Variants in COL6A6 observed in about 807,000 individuals in gnomAD.
The protein encoded by COL6A6 is collagen alpha-6(VI) chain.
A neutral mutation model predicts 208.6 loss-of-function variants in COL6A6; 183 were observed. The ratio of observed to expected loss-of-function variants is 0.88; its 90% CI spans 0.78 to 0.99. The LOEUF is 0.99. Ranked by LOEUF, COL6A6 falls within the 50% of genes least tolerant of loss-of-function variation. COL6A6 has a pLI of 0.00. For missense variants in COL6A6, 2,816 were observed against 2,815.2 expected (o/e 1.00, Z -0.01); for synonymous variants, 973 against 1,011.8 (o/e 0.96, Z 0.73).
chr3:130,538,833 G>A (rs2062286662), intron 1 of COL6A6, among the ~76,000 whole-genome samples: 1 of 152,160 alleles, frequency 6.6e-6, no homozygotes, highest in South Asian at 2.1e-4. Context: ...CCCCTGCTCA[G>A]AATTTCTCTC....
intron 23 of COL6A6, among the ~76,000 whole-genome samples, chr3:130,611,009 C>T (rs1057489047): frequency 5.3e-5 from 8 of 152,160 alleles, no homozygotes; most frequent in Admixed American, 3.3e-4. Flanking sequence ...ATCCCCATCC[C>T]ACCCCCAGAA....
In COL6A6 at chr3:130,592,692, T is replaced by C. The variant is rs2063749468; in HGVS notation, c.4345-4T>C. The C allele has an allele frequency of 2.5e-6, 4 of 1,613,100 alleles. No individual in the cohort carries two copies. In the East Asian group the frequency reaches 8.9e-5, roughly 36 times the overall value. ...ACTAACTATAACTGTCCTTTTATTT[T>C]CAGGGAAACAGAGGACTAAATGGAC... On this transcript the variant is annotated splice_polypyrimidine_tract_variant and splice_region_variant and intron_variant, in intron 14 of 36. Coordinates refer to ENST00000358511, the MANE Select transcript of COL6A6 (RefSeq NM_001102608.3).
intron 33 of COL6A6, 119 bp from the exon 34 acceptor site, chr3:130,658,557 C>A: frequency 1.5e-6 from 1 of 675,558 alleles, no homozygotes. Context: ...CTGTGCCTCC[C>A]CCGTACCTTC....
At chr3:130,543,340 G>A (rs1161917807) in intron 1 of COL6A6, among the ~76,000 whole-genome samples, 1 of 152,180 alleles carries the variant, frequency 6.6e-6, no homozygotes, top group Non-Finnish European at 1.5e-5. Context: ...ACATTCAAAT[G>A]ATTATTGATA....
intron 33 of COL6A6, among the ~76,000 whole-genome samples, chr3:130,651,113 G>A (rs2065630708): frequency 6.6e-6 from 1 of 152,230 alleles, no homozygotes; most frequent in Non-Finnish European, 1.5e-5. Flanking sequence ...ATTAGTGCCA[G>A]TACGTAGTGA....
chr3:130,641,153 G>A (rs903017332), intron 28 of COL6A6, among the ~76,000 whole-genome samples: 1 of 151,164 alleles, frequency 6.6e-6, no homozygotes, highest in Non-Finnish European at 1.5e-5. Flanking sequence ...CCTGGTGGGT[G>A]GGGGTCCTAT....
At chr3:130,672,824 C>G (rs1207829240) in intron 36 of COL6A6, among the ~76,000 whole-genome samples, 2 of 151,504 alleles carry the variant, frequency 1.3e-5, no homozygotes, top group African/African-American at 4.8e-5. Flanking sequence ...TCCTGGCCAA[C>G]ATGGTGAAAC....
rs200249179 is a variant in COL6A6, at chr3:130,587,426, T to C, written c.4125+766T>C. On this transcript the variant is annotated intron_variant, in intron 11 of 36. Transcript: ENST00000358511. ...ACCGGCGCCCGCCACCATGCCCGGC[T>C]AATTTTTGTATATTTAGTAGAAACA... 3.3e-5 allele frequency among the ~76,000 whole-genome samples: 5 copies of C among 152,366 alleles called. No homozygotes were observed. In the East Asian group the frequency reaches 7.7e-4, roughly 23 times the overall value.
intron 2 of COL6A6, 39 bp from the exon 3 acceptor site, chr3:130,563,029 T>A (rs777382609): frequency 6.8e-7 from 1 of 1,473,864 alleles, no homozygotes; most frequent in Non-Finnish European, 9.2e-7. Flanking sequence ...GTAAATTTTT[T>A]AAAGTTTTTG....
intron 36 of COL6A6, among the ~76,000 whole-genome samples, chr3:130,672,086 G>C (rs2066232167): frequency 6.6e-6 from 1 of 152,218 alleles, no homozygotes; most frequent in African/African-American, 2.4e-5. Context: ...TCTGGAAATA[G>C]AAGCAATCTT....
intron 1 of COL6A6, among the ~76,000 whole-genome samples, chr3:130,554,853 G>A (rs1291647713): frequency 6.6e-6 from 1 of 152,086 alleles, no homozygotes; most frequent in African/African-American, 2.4e-5. Flanking sequence ...ATATTGGCAG[G>A]GACTGCTCTG....
At chr3:130,535,410 GCTTT>G (rs2062200368) in intron 1 of COL6A6, among the ~76,000 whole-genome samples, 1 of 151,508 alleles carries the variant, frequency 6.6e-6, no homozygotes, top group Non-Finnish European at 1.5e-5. Context: ...TTTCACTGTG[GCTTT>G]CTATCATCTC....
At chr3:130,555,309 G>C (rs1354687464) in intron 1 of COL6A6, among the ~76,000 whole-genome samples, 1 of 152,130 alleles carries the variant, frequency 6.6e-6, no homozygotes, top group Non-Finnish European at 1.5e-5. Context: ...GAGTCACTGG[G>C]TGCCAGGAAC....
intron 23 of COL6A6, among the ~76,000 whole-genome samples, chr3:130,616,520 C>T (rs1309800150): frequency 1.8e-4 from 24 of 134,090 alleles, no homozygotes; most frequent in African/African-American, 5.8e-4. Context: ...TTTGGTTTAC[C>T]TTAAGGTCCT....
intron 1 of COL6A6, among the ~76,000 whole-genome samples, chr3:130,547,185 C>A (rs1319826297): frequency 6.6e-6 from 1 of 152,240 alleles, no homozygotes; most frequent in Non-Finnish European, 1.5e-5. Flanking sequence ...TGGCAGGCTG[C>A]AGGTCCCGAG....
At chr3:130,550,372 G>A (rs902999345) in intron 1 of COL6A6, among the ~76,000 whole-genome samples, 1 of 152,110 alleles carries the variant, frequency 6.6e-6, no homozygotes, top group African/African-American at 2.4e-5. Flanking sequence ...GACCATCCTT[G>A]TTTTGTTCTG....
intron 18 of COL6A6, among the ~76,000 whole-genome samples, chr3:130,594,993 A>G (rs1422447625): frequency 6.6e-6 from 1 of 152,164 alleles, no homozygotes; most frequent in Non-Finnish European, 1.5e-5. Context: ...ATGTGGGATT[A>G]TTACAATTCA....
chr3:130,571,311 G>GC lies in COL6A6; in HGVS notation c.2895_2896insC (p.Tyr966LeufsTer30). ...TAGCCATGGCAGGATCAAGCGACAA[G>GC]TACTTCTTCGTGGAGACTTTTGGAG... On this transcript the variant is annotated frameshift_variant, in exon 7 of 37. Transcript: ENST00000358511. LOFTEE classifies it high-confidence loss of function. 1 of 1,613,818 alleles carries GC rather than the reference G, an allele frequency of 6.2e-7. No individual in the cohort carries two copies. Among genetic ancestry groups the GC allele is most frequent in the Non-Finnish European group, 8.5e-7 (1 of 1,179,826 alleles).
chr3:130,649,328 T>A lies in COL6A6; in HGVS notation c.5499T>A (p.Tyr1833Ter). Residue 1833 changes from tyrosine to a stop codon, truncating the protein, a stop_gained, in exon 33 of 37, where the codon TAT becomes TAA. Transcript: ENST00000358511. LOFTEE classifies it high-confidence loss of function. ...TCAGAGAAATTGAAACTATTCCTTATGAGAGATCCTCTGCCAGCAGGGAGA... is the reference window on the plus strand; with the variant it reads ...TCAGAGAAATTGAAACTATTCCTTAAGAGAGATCCTCTGCCAGCAGGGAGA... ...QLLREIETIP[Y>*]ERSSASREIG... is the part of the protein sequence containing the mutation. 1 of 1,609,326 alleles carries A rather than the reference T, an allele frequency of 6.2e-7. No homozygotes were observed. The highest frequency in any genetic ancestry group is 8.5e-7 in the Non-Finnish European group (1 of 1,177,948).
Sources: gnomAD v4.1 joint callset for allele counts (sites outside exome capture counted in the v4.1 genomes callset) on GRCh38, gnomAD v4.1.1 for gene constraint, MANE v1.5 for transcripts, NCBI Gene and HGNC (gene_info 2026-07-23, HGNC 2026-07-21) for gene names.